The following CFAP57 variants were observed in gnomAD, a reference collection of about 807,000 sequenced individuals.
CFAP57 encodes the protein cilia and flagella associated protein 57.
A neutral mutation model predicts 146.8 loss-of-function variants in CFAP57; 116 were observed. That is an observed-to-expected ratio of 0.79 (90% confidence interval 0.68 to 0.92). CFAP57 has a LOEUF of 0.92. CFAP57 is among the 40% of genes least tolerant of loss of function. CFAP57 has a pLI of 0.00. For missense variants in CFAP57, 1,377 were observed against 1,527.2 expected, an observed-to-expected ratio of 0.90 and a Z score of 1.64; for synonymous variants, 518 against 552.8, an observed-to-expected ratio of 0.94 and a Z score of 0.88.
At chr1:43,204,066 A>G (rs544793905) in intron 9 of CFAP57, among the ~76,000 whole-genome samples, 4 of 152,328 alleles carry the variant, frequency 2.6e-5, no homozygotes, top group Admixed American at 6.5e-5. Flanking sequence ...CAATTGCACA[A>G]TCTCTATTGA....
intron 22 of CFAP57, among the ~76,000 whole-genome samples, chr1:43,248,046 G>A (rs1221231306): frequency 2.0e-5 from 3 of 149,534 alleles, no homozygotes; most frequent in Non-Finnish European, 4.4e-5. Context: ...TACTGAAGCA[G>A]GAGAATGGCG....
intron 2 of CFAP57, among the ~76,000 whole-genome samples, chr1:43,181,128 G>A (rs1161740069): frequency 5.9e-5 from 9 of 152,092 alleles, no homozygotes; most frequent in African/African-American, 2.2e-4. Flanking sequence ...CTGGAGTACA[G>A]TGGCATGATC....
intron 5 of CFAP57, 35 bp from the exon 6 acceptor site, chr1:43,186,672 G>C: frequency 6.2e-7 from 1 of 1,609,178 alleles, no homozygotes; most frequent in African/African-American, 1.3e-5. Context: ...GACAACGTGG[G>C]GACATTACTG....
At chr1:43,236,690 G>A (rs4078485) in intron 21 of CFAP57, among the ~76,000 whole-genome samples, 28,688 of 150,290 alleles carry the variant, frequency 0.19, 3,597 homozygotes, top group African/African-American at 0.35. Context: ...CGGGTGGATC[G>A]TGAGGTCAGG....
chr1:43,224,127 G>A lies in CFAP57; in HGVS notation c.2788G>A (p.Val930Ile). ...LKGEQMKLQGVIKSLEKDIQG... is the reference protein window; with the variant it reads ...LKGEQMKLQGIIKSLEKDIQG... ...AGGAGAGCAGATGAAGCTGCAAGGA[G>A]TCATTAAGTCTCTGGAGAAGGACAT... The change falls in exon 17 of 23, where the codon GTC becomes ATC. Residue 930 changes from valine to isoleucine, a missense_variant. By Grantham distance (29) the Val-to-Ile change is conservative (BLOSUM62 3). Transcript: ENST00000372492. 2 of 1,550,610 alleles carry A rather than the reference G, an allele frequency of 1.3e-6. No individual in the cohort carries two copies. Among genetic ancestry groups the A allele is most frequent in the Non-Finnish European group, 1.7e-6 (2 of 1,146,968 alleles).
intron 6 of CFAP57, among the ~76,000 whole-genome samples, chr1:43,195,267 T>C (rs1322078011): frequency 6.6e-6 from 1 of 152,138 alleles, no homozygotes; most frequent in Non-Finnish European, 1.5e-5. Context: ...CTCACACCTA[T>C]AATCCCAGCA....
chr1:43,181,548 CAG>C lies in CFAP57; in HGVS notation c.173_174del (p.Gln58ArgfsTer18). On this transcript the variant is annotated frameshift_variant, in exon 3 of 23. Coordinates refer to ENST00000372492, the MANE Select transcript of CFAP57 (RefSeq NM_001378189.1). LOFTEE classifies it high-confidence loss of function. The part of the protein sequence containing the change: ...QKFIPGSEKS[Q>X]GMLALSISPN... ...TCTGTTTGCAGGCTCAGAGAAGAGTCAGGGCATGTTGGCCTTGTCCATCAGTC... is the reference window on the plus strand; with the variant it reads ...TCTGTTTGCAGGCTCAGAGAAGAGTCGGCATGTTGGCCTTGTCCATCAGTC... 1 of 1,614,198 alleles carries C rather than the reference CAG, an allele frequency of 6.2e-7. No homozygotes were observed. Among genetic ancestry groups the C allele is most frequent in the East Asian group, 2.2e-5 (1 of 44,890 alleles).
chr1:43,197,214 G>A (rs923074404), intron 6 of CFAP57, among the ~76,000 whole-genome samples: 2 of 151,886 alleles, frequency 1.3e-5, no homozygotes, highest in East Asian at 1.9e-4. Flanking sequence ...AAAATTAGCC[G>A]GGCATGGTGG....
chr1:43,222,065 C>A, intron 14 of CFAP57, 40 bp from the exon 15 acceptor site: 1 of 1,504,428 alleles, frequency 6.6e-7, no homozygotes, highest in Non-Finnish European at 8.9e-7. Flanking sequence ...GAAGCAAGTG[C>A]TGCTCTCCCA....
At chr1:43,223,807 A>G (rs79517182) in intron 16 of CFAP57, among the ~76,000 whole-genome samples, 7,057 of 152,294 alleles carry the variant, frequency 0.046, 253 homozygotes, top group African/African-American at 0.1. Flanking sequence ...TCTCATATGG[A>G]GAATGGGCCT....
rs10890245 is a variant in CFAP57 at position 43,240,827 on chromosome 1, G to A, written c.3406-2400G>A. On this transcript the variant is annotated intron_variant, in intron 21 of 22. Coordinates refer to ENST00000372492, the MANE Select transcript of CFAP57 (RefSeq NM_001378189.1). ...CAAAAGAGGAGCAGGCGTGTCACATGGCGAAAGAGAGAGTAGGAGAGGAGA... is the reference window on the plus strand; with the variant it reads ...CAAAAGAGGAGCAGGCGTGTCACATAGCGAAAGAGAGAGTAGGAGAGGAGA... Among the ~76,000 whole-genome samples the A allele has an allele frequency of 2.6e-3, 394 of 152,288 alleles. 2 individuals are homozygous for A. The highest frequency in any genetic ancestry group is 0.014 in the South Asian group (69 of 4,824).
At chr1:43,242,040 C>G (rs944146421) in intron 21 of CFAP57, among the ~76,000 whole-genome samples, 1 of 152,170 alleles carries the variant, frequency 6.6e-6, no homozygotes. Context: ...TCACTCCTGT[C>G]GACTCCCCTC....
At chr1:43,219,151 C>T (rs1208626011) in intron 12 of CFAP57, among the ~76,000 whole-genome samples, 1 of 152,126 alleles carries the variant, frequency 6.6e-6, no homozygotes, top group South Asian at 2.1e-4. Flanking sequence ...ATGAGATGAG[C>T]GCATGACTAG....
At chr1:43,194,949 C>A (rs1286692960) in intron 6 of CFAP57, 1 of 152,084 alleles carries the variant, frequency 6.6e-6, no homozygotes, top group African/African-American at 2.4e-5. Flanking sequence ...AATTTTGTTG[C>A]CTGTGAACAG....
chr1:43,234,385 T>C lies in CFAP57; in HGVS notation c.3233T>C (p.Phe1078Ser), dbSNP rs1360682344. The C allele has an allele frequency of 1.1e-5, 17 of 1,550,132 alleles. No homozygotes were observed. The highest frequency in any genetic ancestry group is 1.4e-5 in the Non-Finnish European group (16 of 1,146,848). ...CTGAAGGAGAAGGTTCGAGGTCTCT[T>C]TGAGAAGTACGTGCAGCGAGCAGAC... ...RLLKEKVRGLFEKYVQRADMV... is the reference protein window; with the variant it reads ...RLLKEKVRGLSEKYVQRADMV... The change falls in exon 20 of 23, where the codon TTT becomes TCT. Residue 1078 changes from phenylalanine to serine, a missense_variant. By Grantham distance (155) the Phe-to-Ser change is radical. Transcript: ENST00000372492.
intron 10 of CFAP57, among the ~76,000 whole-genome samples, 157 bp from the exon 11 acceptor site, chr1:43,209,586 C>T (rs548291723): frequency 6.6e-6 from 1 of 152,184 alleles, no homozygotes; most frequent in East Asian, 1.9e-4. Context: ...TTTTTTTGTG[C>T]TAGGCACTAT....
Position 43,234,613 on chromosome 1 carries a change from GC to G in CFAP57, c.3381del (p.Thr1128GlnfsTer13). On this transcript the variant is annotated frameshift_variant, in exon 21 of 23. Coordinates refer to ENST00000372492, the MANE Select transcript of CFAP57 (RefSeq NM_001378189.1). LOFTEE classifies it high-confidence loss of function. ...KKVVKEGELHRTDYVRIMQEN... is the reference protein window; with the variant it reads ...KKVVKEGELHXTDYVRIMQEN... ...GTGGTCAAGGAGGGCGAGCTGCACC[GC>G]ACAGACTACGTCCGCATCATGCAGG... The G allele has an allele frequency of 6.5e-7, 1 of 1,550,282 alleles. No individual in the cohort carries two copies.
Position 43,221,473 on chromosome 1 carries a change from C to CA in CFAP57, c.2341+9dup. ...GGGAACTGCAGGACATGGGTGAGCC[C>CA]ACAAGTAGAGGCCTCGTTGGTTAGG... On this transcript the variant is annotated intron_variant, in intron 14 of 22. Coordinates refer to ENST00000372492, the MANE Select transcript of CFAP57 (RefSeq NM_001378189.1). 6.6e-7 allele frequency: 1 copy of CA among 1,504,400 alleles called. No homozygotes were observed. Among genetic ancestry groups the CA allele is most frequent in the Non-Finnish European group, 8.9e-7 (1 of 1,125,022 alleles). 93.2% of individuals were successfully genotyped at this position (1,504,400 alleles called of 1,614,324 possible).
At chr1:43,183,337 G>C (rs1260482077) in intron 3 of CFAP57, among the ~76,000 whole-genome samples, 1 of 152,062 alleles carries the variant, frequency 6.6e-6, no homozygotes, top group Non-Finnish European at 1.5e-5. Flanking sequence ...TGTGGCTCTT[G>C]TCAAAAGCTG....
Sources: allele counts gnomAD v4.1 joint callset (sites outside exome capture counted in the v4.1 genomes callset), GRCh38; gene constraint gnomAD v4.1.1; transcripts MANE v1.5; gene names NCBI Gene and HGNC (gene_info 2026-07-23, HGNC 2026-07-21).